TFDP2: variants seen among roughly 807,000 people sequenced by gnomAD.
TFDP2 encodes the protein transcription factor Dp-2 (E2F dimerization partner 2).
TFDP2 carries 17 observed loss-of-function variants against 59.3 expected under a neutral mutation model. The ratio of observed to expected loss-of-function variants is 0.29; its 90% CI spans 0.20 to 0.43. The LOEUF (loss-of-function observed/expected upper bound fraction) is 0.43. Ranked by LOEUF, TFDP2 falls within the 20% of genes least tolerant of loss-of-function variation. The pLI is 1.00. For synonymous variants in TFDP2, 180 were observed against 194.7 expected, an observed-to-expected ratio of 0.92 and a Z score of 0.63; for missense variants, 391 against 528.8, an observed-to-expected ratio of 0.74 and a Z score of 2.56.
At chr3:141,953,585 T>C (rs932231204) in intron 11 of TFDP2, among the ~76,000 whole-genome samples, 1 of 152,186 alleles carries the variant, frequency 6.6e-6, no homozygotes, top group African/African-American at 2.4e-5. Flanking sequence ...TGACAAGATT[T>C]TTCCTGGTGT....
chr3:141,979,173 T>A (rs1343470839), intron 6 of TFDP2, among the ~76,000 whole-genome samples: 1 of 152,230 alleles, frequency 6.6e-6, no homozygotes, highest in Admixed American at 6.5e-5. Context: ...TGCCTAGTGA[T>A]GTAACCATCG....
chr3:141,978,581 T>C lies in TFDP2; in HGVS notation c.458A>G (p.Glu153Gly). Residue 153 changes from glutamate (E) to glycine (G), a missense_variant, in exon 7 of 13, where the codon GAA becomes GGA. Coordinates refer to ENST00000489671, the MANE Select transcript of TFDP2 (RefSeq NM_001178139.2). Reference protein sequence around the residue: ...VQRKGTTSYNEVADELVSEFT... With the variant: ...VQRKGTTSYNGVADELVSEFT... ...CTCTGACACCAGCTCATCAGCGACT[T>C]CATTGTACGATGTTGTACCTTTTCG... 1 of 1,613,808 alleles carries C rather than the reference T, an allele frequency of 6.2e-7. No individual in the cohort carries two copies. The highest frequency in any genetic ancestry group is 8.5e-7 in the Non-Finnish European group (1 of 1,179,892).
At chr3:142,042,630 C>CTTTTT (rs66981475) in intron 3 of TFDP2, among the ~76,000 whole-genome samples, 17 of 108,154 alleles carry the variant, frequency 1.6e-4, no homozygotes, top group South Asian at 3.3e-4. Context: ...CTTTTCTTTT[C>CTTTTT]TTTTTTTTTT....
intron 1 of TFDP2, among the ~76,000 whole-genome samples, chr3:142,116,253 TAG>T (rs2061850453): frequency 6.6e-6 from 1 of 152,032 alleles, no homozygotes; most frequent in Admixed American, 6.6e-5. Flanking sequence ...TTGGTAGAGA[TAG>T]AGTCTCACTA....
chr3:142,099,182 G>A (rs997671714), intron 2 of TFDP2, among the ~76,000 whole-genome samples: 2 of 152,122 alleles, frequency 1.3e-5, no homozygotes, highest in African/African-American at 4.8e-5. Flanking sequence ...TGACACAATT[G>A]ATCACTTCCC....
intron 11 of TFDP2, among the ~76,000 whole-genome samples, chr3:141,957,668 T>A (rs1936862455): frequency 1.3e-5 from 2 of 152,194 alleles, no homozygotes. Context: ...TGCTACAACA[T>A]GAACGAACCT....
chr3:141,966,943 G>A (rs1938173155), intron 9 of TFDP2, among the ~76,000 whole-genome samples: 1 of 143,464 alleles, frequency 7.0e-6, no homozygotes, highest in East Asian at 2.0e-4. Flanking sequence ...AAAAGACAGA[G>A]TCTTGCTCTG....
At chr3:142,109,830 AT>A (rs1389518408) in intron 1 of TFDP2, among the ~76,000 whole-genome samples, 1 of 152,226 alleles carries the variant, frequency 6.6e-6, no homozygotes, top group Non-Finnish European at 1.5e-5. Flanking sequence ...TCCTAGAACC[AT>A]TGGCATTTTA....
intron 1 of TFDP2, among the ~76,000 whole-genome samples, chr3:142,104,079 T>C (rs1040254444): frequency 1.3e-5 from 2 of 152,188 alleles, no homozygotes; most frequent in African/African-American, 4.8e-5. Context: ...ACTGAATTTG[T>C]AATTTTTCAA....
rs2060571573 is a variant in TFDP2, at chr3:142,079,665, G to A, written c.82+13396C>T. Among the ~76,000 whole-genome samples the A allele has an allele frequency of 2.0e-5, 3 of 152,118 alleles. 1 individual carries two copies. The highest frequency in any genetic ancestry group is 7.2e-5 in the African/African-American group (3 of 41,434). On this transcript the variant is annotated intron_variant, in intron 3 of 12. Transcript: ENST00000489671. ...CCAAGAGAAAAGAAACAAATAACAT[G>A]CAATGAAGCTCCAAAGCACCCGGCA...
At chr3:142,047,862 C>T (rs1244866538) in intron 3 of TFDP2, among the ~76,000 whole-genome samples, 1 of 151,660 alleles carries the variant, frequency 6.6e-6, no homozygotes, top group East Asian at 2.0e-4. Flanking sequence ...CTGCCTCAGC[C>T]TGCCAAGTAG....
At chr3:142,061,889 T>TCTCTAC (rs754972681) in intron 3 of TFDP2, among the ~76,000 whole-genome samples, 4 of 79,880 alleles carry the variant, frequency 5.0e-5, no homozygotes, top group East Asian at 3.9e-4. Flanking sequence ...TCTCTCTCTC[T>TCTCTAC]ACACACACAC....
At chr3:142,083,641 G>A (rs906915969) in intron 3 of TFDP2, among the ~76,000 whole-genome samples, 1 of 151,980 alleles carries the variant, frequency 6.6e-6, no homozygotes, top group Non-Finnish European at 1.5e-5. Context: ...GCATGATACT[G>A]GCAAAAAAAC....
chr3:142,057,145 C>G lies in TFDP2; in HGVS notation c.82+35916G>C, dbSNP rs540357419. 2.4e-4 allele frequency among the ~76,000 whole-genome samples: 36 copies of G among 152,310 alleles called. No individual in the cohort carries two copies. In the East Asian group the frequency reaches 5.8e-3, roughly 25 times the overall value. ...GGTGGTGGATCCAGAGGGACCACAG[C>G]TGGGACTGTCAGTCATTTGTGCCTC... On this transcript the variant is annotated intron_variant, in intron 3 of 12. Coordinates refer to ENST00000489671, the MANE Select transcript of TFDP2 (RefSeq NM_001178139.2).
intron 1 of TFDP2, among the ~76,000 whole-genome samples, chr3:142,109,490 G>A (rs1169659915): frequency 6.6e-6 from 1 of 152,120 alleles, no homozygotes; most frequent in Non-Finnish European, 1.5e-5. Context: ...CAGCACCCCT[G>A]GCTAATTTTG....
intron 6 of TFDP2, among the ~76,000 whole-genome samples, chr3:141,981,022 G>A (rs1941431199): frequency 6.6e-6 from 1 of 152,032 alleles, no homozygotes; most frequent in Admixed American, 6.6e-5. Flanking sequence ...AAAGTAGTGT[G>A]CAGTAAATTC....
At chr3:142,097,679 T>C (rs996675696) in intron 2 of TFDP2, among the ~76,000 whole-genome samples, 3 of 151,940 alleles carry the variant, frequency 2.0e-5, no homozygotes, top group Admixed American at 6.6e-5. Context: ...AGCAAGACCC[T>C]GTCCCAAACT....
chr3:142,074,729 G>C (rs909468604), intron 3 of TFDP2, among the ~76,000 whole-genome samples: 1 of 152,102 alleles, frequency 6.6e-6, no homozygotes, highest in Non-Finnish European at 1.5e-5. Context: ...GCGGGTGCCT[G>C]CAATCCCGGC....
chr3:142,130,786 T>C (rs2062473448), intron 1 of TFDP2, among the ~76,000 whole-genome samples: 1 of 152,016 alleles, frequency 6.6e-6, no homozygotes, highest in African/African-American at 2.4e-5. Flanking sequence ...GCGCGGTGGC[T>C]CATGCCTGTA....
Sources: allele counts gnomAD v4.1 joint callset (sites outside exome capture counted in the v4.1 genomes callset), GRCh38; gene constraint gnomAD v4.1.1; transcripts MANE v1.5; gene names NCBI Gene and HGNC (gene_info 2026-07-23, HGNC 2026-07-21).